RTP3: variants seen among roughly 807,000 people sequenced by gnomAD.
RTP3 encodes the protein receptor-transporting protein 3.
Under a neutral mutation model 6.2 loss-of-function variants are expected in RTP3, and 2 were observed. The observed-to-expected ratio is 0.32, with a 90% confidence interval of 0.13 to 1.02. The LOEUF (loss-of-function observed/expected upper bound fraction) is 1.02. RTP3 is among the 50% of genes least tolerant of loss of function. RTP3 has a pLI of 0.47. For missense variants in RTP3, 252 were observed against 280.8 expected (o/e 0.90, Z 0.73); for synonymous variants, 106 against 98.3 (o/e 1.08, Z -0.47).
chr3:46,500,560 C>G lies in RTP3; in HGVS notation c.360C>G (p.Phe120Leu), dbSNP rs1703695233. 1 of 1,614,062 alleles carries G rather than the reference C, an allele frequency of 6.2e-7. No individual in the cohort carries two copies. The highest frequency in any genetic ancestry group is 1.7e-5 in the Admixed American group (1 of 60,006). The change falls in exon 2 of 2, where the codon TTC becomes TTG. Residue 120 changes from phenylalanine to leucine, a missense_variant. By Grantham distance (22) the Phe-to-Leu change is conservative. Transcript: ENST00000296142. ...NISRILKNLV[F>L]RILKKCYRGR... Reference sequence around the variant, plus strand: ...CAAGGATCCTGAAAAACCTGGTGTTCCGAATTCTGAAGAAATGCTATAGAG... The same window carrying G: ...CAAGGATCCTGAAAAACCTGGTGTTGCGAATTCTGAAGAAATGCTATAGAG...
At position 46,497,991 on chromosome 3, in the gene RTP3, C is replaced by T. The variant is rs1688308424; in HGVS notation, c.-72C>T. 1.9e-6 allele frequency: 3 copies of T among 1,549,184 alleles called. No homozygotes were observed. The Admixed American group carries it at 5.0e-5, about 26-fold the overall frequency. The stretch of plus-strand genomic sequence containing the variant: ...AGTCCTTGCCCTCTGAAGTCAGAAA[C>T]CTCATCTCCCACTACAGACCTGCCA... On this transcript the variant is annotated 5_prime_UTR_variant, in exon 1 of 2. Transcript: ENST00000296142.
rs1380789872 is a variant in RTP3, at chr3:46,500,685, G to A, written c.485G>A (p.Cys162Tyr). ...TGTGAGGCATGTCTGCAGGGCTTCTGTGCTGGGCCCATACAGGTTACAAGC... is the reference window on the plus strand; with the variant it reads ...TGTGAGGCATGTCTGCAGGGCTTCTATGCTGGGCCCATACAGGTTACAAGC... ...DNCEACLQGF[C>Y]AGPIQVTSLP... The change falls in exon 2 of 2, where the codon TGT becomes TAT. Residue 162 changes from cysteine to tyrosine, a missense_variant. Coordinates refer to ENST00000296142, the MANE Select transcript of RTP3 (RefSeq NM_031440.2). 1 of 1,613,916 alleles carries A rather than the reference G, an allele frequency of 6.2e-7. No homozygotes were observed. Among genetic ancestry groups the A allele is most frequent in the South Asian group, 1.1e-5 (1 of 91,038 alleles).
Position 46,498,034 on chromosome 3 carries a change from ACC to A in RTP3, c.-27_-26del. The A allele has an allele frequency of 6.2e-7, 1 of 1,613,544 alleles. No individual in the cohort carries two copies. The highest frequency in any genetic ancestry group is 1.7e-4 in the Middle Eastern group (1 of 6,054). On this transcript the variant is annotated 5_prime_UTR_variant, in exon 1 of 2. Transcript: ENST00000296142. ...ACCTGCCAGGGCCCAGGAGAGCTCG[ACC>A]CACCCAGGCACACCATAGCCCCAGA...
In RTP3 at chr3:46,500,603, G is replaced by T; in HGVS notation, c.403G>T (p.Glu135Ter). The T allele has an allele frequency of 6.2e-7, 1 of 1,614,198 alleles. No homozygotes were observed. Among genetic ancestry groups the T allele is most frequent in the East Asian group, 2.2e-5 (1 of 44,892 alleles). Residue 135 changes from glutamate (E) to a stop codon, truncating the protein, a stop_gained, in exon 2 of 2, where the codon GAG becomes TAG. Coordinates refer to ENST00000296142, the MANE Select transcript of RTP3 (RefSeq NM_031440.2). LOFTEE classifies it low-confidence loss of function (END_TRUNC). Reference sequence around the variant, plus strand: ...CTATAGAGGAAGATTTCAGTTGATAGAGGAGGTTCCTATGATCAAGGACAT... The same window carrying T: ...CTATAGAGGAAGATTTCAGTTGATATAGGAGGTTCCTATGATCAAGGACAT... Reference protein sequence around the residue: ...KCYRGRFQLIEEVPMIKDISL... With the variant: ...KCYRGRFQLI
In RTP3 at chr3:46,500,379, G is replaced by A. The variant is rs200922456; in HGVS notation, c.179G>A (p.Arg60His). The change falls in exon 2 of 2, where the codon CGT becomes CAT. Residue 60 changes from arginine to histidine, a missense_variant. Arg to His is a conservative substitution (Grantham distance 29). Transcript: ENST00000296142. The stretch of plus-strand genomic sequence containing the variant: ...AGGTTCCAGTGCTCCTCCTGCTCTC[G>A]TAACTGGGCCTCTGCCCAAGTTCTG... ...FARFQCSSCSRNWASAQVLVL... is the reference protein window; with the variant it reads ...FARFQCSSCSHNWASAQVLVL... 1.5e-5 allele frequency: 24 copies of A among 1,611,896 alleles called. No homozygotes were observed. Among genetic ancestry groups the A allele is most frequent in the Admixed American group, 1.2e-4 (7 of 59,784 alleles).
intron 1 of RTP3, among the ~76,000 whole-genome samples, chr3:46,498,450 A>T (rs1052950992): frequency 6.6e-5 from 10 of 152,100 alleles, no homozygotes; most frequent in African/African-American, 9.7e-5. Flanking sequence ...CTGGATACAG[A>T]GAAATCAGTC....
chr3:46,500,268 G>A, intron 1 of RTP3, 88 bp from the exon 2 acceptor site: 1 of 1,414,232 alleles, frequency 7.1e-7, no homozygotes, highest in Non-Finnish European at 9.6e-7. Context: ...TCATGTCTCT[G>A]TGCAGTCGGT....
chr3:46,499,047 C>T (rs1703677814), intron 1 of RTP3, among the ~76,000 whole-genome samples: 1 of 152,256 alleles, frequency 6.6e-6, no homozygotes, highest in African/African-American at 2.4e-5. Context: ...GCACTGCTGA[C>T]TCTGGGTGAC....
chr3:46,500,332 T>G, intron 1 of RTP3, 24 bp from the exon 2 acceptor site: 3 of 1,574,156 alleles, frequency 1.9e-6, no homozygotes, highest in African/African-American at 1.4e-5. Flanking sequence ...GGAGCCAGGC[T>G]GAGACTCTCT....
Position 46,500,459 on chromosome 3 carries a change from A to G in RTP3, c.259A>G (p.Arg87Gly). The change falls in exon 2 of 2, where the codon AGG (arginine) becomes GGG (glycine). Residue 87 changes from arginine to glycine, a missense_variant. Coordinates refer to ENST00000296142, the MANE Select transcript of RTP3 (RefSeq NM_031440.2). ...GAAGTCCAGGGGCCAGGTGAAGATG[A>G]GGGTGTTTACCCAGAGATGTAAGAA... ...EEKSRGQVKM[R>G]VFTQRCKKCP... is the part of the protein sequence containing the mutation. 6.2e-7 allele frequency: 1 copy of G among 1,614,206 alleles called. No homozygotes were observed. The highest frequency in any genetic ancestry group is 8.5e-7 in the Non-Finnish European group (1 of 1,180,038).
chr3:46,499,326 G>A (rs896267690), intron 1 of RTP3, among the ~76,000 whole-genome samples: 7 of 152,216 alleles, frequency 4.6e-5, no homozygotes, highest in Admixed American at 2.0e-4. Context: ...AAGCAGAGGA[G>A]GAGAGAGCTG....
At chr3:46,498,748 G>C (rs1159269034) in intron 1 of RTP3, among the ~76,000 whole-genome samples, 1 of 152,212 alleles carries the variant, frequency 6.6e-6, no homozygotes, top group Non-Finnish European at 1.5e-5. Context: ...TCTTTCCCAG[G>C]TGGAAATGGG....
In RTP3 at chr3:46,498,132, A is replaced by T. The variant is rs1180476181; in HGVS notation, c.70A>T (p.Arg24Trp). Residue 24 changes from arginine to tryptophan, a missense_variant, in exon 1 of 2, where the codon AGG becomes TGG. By Grantham distance (101) the Arg-to-Trp change is moderately radical (BLOSUM62 -3). Coordinates refer to ENST00000296142, the MANE Select transcript of RTP3 (RefSeq NM_031440.2). ...ELMREVKPWH[R>W]WTLRPDKGLL... The stretch of plus-strand genomic sequence containing the variant: ...AATGCGGGAGGTGAAGCCATGGCAC[A>T]GGTGGACCCTGAGACCAGACAAGGG... 6.2e-7 allele frequency: 1 copy of T among 1,614,252 alleles called. No homozygotes were observed. Among genetic ancestry groups the T allele is most frequent in the South Asian group, 1.1e-5 (1 of 91,082 alleles).
chr3:46,499,598 A>G (rs1388081401), intron 1 of RTP3, among the ~76,000 whole-genome samples: 1 of 152,222 alleles, frequency 6.6e-6, no homozygotes, highest in Non-Finnish European at 1.5e-5. Context: ...GTATTTGTCC[A>G]GATACCTTAG....
intron 1 of RTP3, among the ~76,000 whole-genome samples, chr3:46,499,783 A>G (rs1171599668): frequency 2.0e-5 from 3 of 152,044 alleles, no homozygotes; most frequent in Non-Finnish European, 4.4e-5. Context: ...AATACCGCAG[A>G]CCAGGGACCC....
chr3:46,500,269 T>C, intron 1 of RTP3, 87 bp from the exon 2 acceptor site: 2 of 1,418,686 alleles, frequency 1.4e-6, no homozygotes, highest in Non-Finnish European at 1.9e-6. Flanking sequence ...CATGTCTCTG[T>C]GCAGTCGGTA....
chr3:46,500,498 CTGTT>C lies in RTP3; in HGVS notation c.301_304del (p.Phe101ArgfsTer14). On this transcript the variant is annotated frameshift_variant, in exon 2 of 2. Coordinates refer to ENST00000296142, the MANE Select transcript of RTP3 (RefSeq NM_031440.2). LOFTEE classifies it low-confidence loss of function (END_TRUNC). ...GAGATGTAAGAAGTGCCCCCAACCT[CTGTT>C]TGAGGACCCTGAGTTCACACAAGAG... 3 of 1,614,230 alleles carry C rather than the reference CTGTT, an allele frequency of 1.9e-6. No homozygotes were observed. Among genetic ancestry groups the C allele is most frequent in the African/African-American group, 1.3e-5 (1 of 75,056 alleles).
At chr3:46,499,565 C>A (rs1176472565) in intron 1 of RTP3, among the ~76,000 whole-genome samples, 1 of 152,230 alleles carries the variant, frequency 6.6e-6, no homozygotes, top group East Asian at 1.9e-4. Context: ...TTCCTGCCTT[C>A]TTCTCTCTCT....
rs956742206 is a variant in RTP3 at position 46,499,140 on chromosome 3, G to A, written c.155+923G>A. On this transcript the variant is annotated intron_variant, in intron 1 of 1. Coordinates refer to ENST00000296142, the MANE Select transcript of RTP3 (RefSeq NM_031440.2). ...ACCTTGCATTCACCCTGTGGGTTGC[G>A]GCTAGAGTCAAGATACAGGAGCACA... 3.3e-5 allele frequency among the ~76,000 whole-genome samples: 5 copies of A among 152,258 alleles called. No individual in the cohort carries two copies. In the South Asian group the frequency reaches 8.3e-4, roughly 25 times the overall value.
Sources: gnomAD v4.1 joint callset for allele counts (sites outside exome capture counted in the v4.1 genomes callset) on GRCh38, gnomAD v4.1.1 for gene constraint, MANE v1.5 for transcripts, NCBI Gene and HGNC (gene_info 2026-07-23, HGNC 2026-07-21) for gene names.